Variants in CUEDC1 observed in about 807,000 individuals in gnomAD.
CUEDC1 encodes CUE domain-containing protein 1.
CUEDC1 carries 30 observed loss-of-function variants against 43.7 expected under a neutral mutation model. That is an observed-to-expected ratio of 0.69 (90% CI 0.51 to 0.93). CUEDC1 has a LOEUF of 0.93. CUEDC1 is among the 40% of genes least tolerant of loss of function. The probability of loss-of-function intolerance (pLI) is 0.00; values close to 1 mark genes in which losing one functional copy is unlikely to be tolerated. For synonymous variants in CUEDC1, 223 were observed against 223.6 expected (o/e 1.00, Z 0.02); for missense variants, 486 against 549.0 (o/e 0.89, Z 1.15).
chr17:57,949,564 CTTTTTTT>C (rs1194743025), intron 1 of CUEDC1, among the ~76,000 whole-genome samples: 10 of 79,942 alleles, frequency 1.3e-4, no homozygotes, highest in Non-Finnish European at 1.9e-4. Context: ...CTCTGACATA[CTTTTTTT>C]TTTTTTTTTT....
At chr17:57,951,748 C>G (rs1159466487) in intron 1 of CUEDC1, among the ~76,000 whole-genome samples, 1 of 152,172 alleles carries the variant, frequency 6.6e-6, no homozygotes, top group Admixed American at 6.5e-5. Flanking sequence ...CAGGAGCCAC[C>G]ACGCCCAGCC....
intron 8 of CUEDC1, chr17:57,867,779 G>A: frequency 2.1e-6 from 1 of 485,710 alleles, no homozygotes; most frequent in Non-Finnish European, 3.7e-6. Flanking sequence ...CATGCTTGGA[G>A]TGAGGAGGAC....
intron 1 of CUEDC1, among the ~76,000 whole-genome samples, chr17:57,910,671 AAAAAG>A (rs1171780399): frequency 1.3e-5 from 2 of 152,136 alleles, no homozygotes; most frequent in East Asian, 3.8e-4. Context: ...GAAGAAAAGA[AAAAAG>A]AAAAGAAATA....
intron 1 of CUEDC1, among the ~76,000 whole-genome samples, chr17:57,942,475 G>A (rs1567725910): frequency 6.6e-6 from 1 of 151,762 alleles, no homozygotes; most frequent in Non-Finnish European, 1.5e-5. Context: ...TGCAACCTCC[G>A]CCTCCTGGGT....
At position 57,893,346 on chromosome 17, in the gene CUEDC1, G is replaced by GGTGTGTGTGTGTGTGTGTGTGT. The variant is rs1456034263; in HGVS notation, c.-315-7468_-315-7467insACACACACACACACACACACAC. Among the ~76,000 whole-genome samples the GGTGTGTGTGTGTGTGTGTGTGT allele has an allele frequency of 5.4e-4, 49 of 89,994 alleles. 1 individual carries two copies. Among genetic ancestry groups the GGTGTGTGTGTGTGTGTGTGTGT allele is most frequent in the Admixed American group, 1.3e-3 (11 of 8,354 alleles). 59.0% of individuals were successfully genotyped at this position (89,994 alleles called of 152,430 possible). On this transcript the variant is annotated intron_variant, in intron 1 of 10. Transcript: ENST00000577830. ...GAGAGCAAGAGACAGAGGCTCTCAG[G>GGTGTGTGTGTGTGTGTGTGTGT]GTATGTGTGTGTGTGTGTGTGTGTG...
chr17:57,918,609 T>C (rs2143097558), intron 1 of CUEDC1, among the ~76,000 whole-genome samples: 1 of 152,312 alleles, frequency 6.6e-6, no homozygotes, highest in East Asian at 1.9e-4. Context: ...TAATAAATAT[T>C]TGAATTAAAA....
Position 57,862,904 on chromosome 17 carries a change from G to A in CUEDC1, c.*385C>T, listed in dbSNP as rs1447920250. On this transcript the variant is annotated 3_prime_UTR_variant, in exon 11 of 11. Transcript: ENST00000577830. The stretch of plus-strand genomic sequence containing the variant: ...AGAGACTCCACCTTCAGGCCAAAGA[G>A]CCTCTGGTGGGGGTCATCTTGCCCT... The A allele has an allele frequency of 1.3e-5, 2 of 152,238 alleles. No homozygotes were observed. Among genetic ancestry groups the A allele is most frequent in the African/African-American group, 2.4e-5 (1 of 41,444 alleles). 9.4% of individuals were successfully genotyped at this position (152,238 alleles called of 1,614,324 possible).
chr17:57,921,706 C>A (rs1482813421), intron 1 of CUEDC1, among the ~76,000 whole-genome samples: 1 of 152,134 alleles, frequency 6.6e-6, no homozygotes, highest in African/African-American at 2.4e-5. Flanking sequence ...TCATGGCTTT[C>A]TACCAGCACC....
At chr17:57,883,284 C>G (rs975131076) in intron 2 of CUEDC1, among the ~76,000 whole-genome samples, 1 of 152,220 alleles carries the variant, frequency 6.6e-6, no homozygotes, top group Non-Finnish European at 1.5e-5. Flanking sequence ...AGCCAGATGT[C>G]TTGGCCAACA....
At chr17:57,896,915 G>A (rs1303700483) in intron 1 of CUEDC1, among the ~76,000 whole-genome samples, 1 of 151,592 alleles carries the variant, frequency 6.6e-6, no homozygotes, top group Admixed American at 6.6e-5. Flanking sequence ...GACTACAGGT[G>A]CGTGCCACCA....
At chr17:57,949,910 T>C (rs2074990558) in intron 1 of CUEDC1, among the ~76,000 whole-genome samples, 1 of 152,140 alleles carries the variant, frequency 6.6e-6, no homozygotes. Flanking sequence ...ACTTCCTGAA[T>C]TCAAATCCTG....
chr17:57,931,980 C>T (rs917204191), intron 1 of CUEDC1, among the ~76,000 whole-genome samples: 7 of 152,106 alleles, frequency 4.6e-5, no homozygotes, highest in African/African-American at 1.4e-4. Context: ...CTGCTTAAAA[C>T]GCATCTCTAG....
chr17:57,888,900 C>T (rs1024617394), intron 1 of CUEDC1, among the ~76,000 whole-genome samples: 1 of 152,228 alleles, frequency 6.6e-6, no homozygotes, highest in Non-Finnish European at 1.5e-5. Flanking sequence ...AAGGCAATCC[C>T]TCGGAGAAAG....
At chr17:57,879,985 T>C (rs144353601) in intron 2 of CUEDC1, among the ~76,000 whole-genome samples, 32 of 152,254 alleles carry the variant, frequency 2.1e-4, no homozygotes, top group Middle Eastern at 3.4e-3. Flanking sequence ...CCCAAAAGAA[T>C]GTTCACAGCA....
intron 1 of CUEDC1, among the ~76,000 whole-genome samples, chr17:57,904,291 G>A (rs965248497): frequency 6.6e-6 from 1 of 152,088 alleles, no homozygotes; most frequent in East Asian, 1.9e-4. Context: ...CGGGCACCCA[G>A]CAACCCTGAA....
chr17:57,940,543 A>G lies in CUEDC1; in HGVS notation c.-316+14682T>C, dbSNP rs989132613. Reference sequence around the variant, plus strand: ...ATGATGTGGCTACAGATGGAGGTGCACTGCCTGACCTACAAGACTTTCCAC... The same window carrying G: ...ATGATGTGGCTACAGATGGAGGTGCGCTGCCTGACCTACAAGACTTTCCAC... On this transcript the variant is annotated intron_variant, in intron 1 of 10. Transcript: ENST00000577830. Among the ~76,000 whole-genome samples, 6 of 152,196 alleles carry G rather than the reference A, an allele frequency of 3.9e-5. No individual in the cohort carries two copies. The East Asian group carries it at 1.2e-3, about 29-fold the overall frequency.
chr17:57,928,365 C>T (rs2074769003), intron 1 of CUEDC1, among the ~76,000 whole-genome samples: 2 of 148,248 alleles, frequency 1.3e-5, no homozygotes, highest in Non-Finnish European at 3.0e-5. Flanking sequence ...CTGGCTAACA[C>T]GGTGAAACCC....
At chr17:57,896,484 T>TGGGGC (rs370021887) in intron 1 of CUEDC1, among the ~76,000 whole-genome samples, 1 of 61,294 alleles carries the variant, frequency 1.6e-5, no homozygotes, top group East Asian at 1.4e-3. Flanking sequence ...TAGTGCATTA[T>TGGGGC]GGGGTGTGTG....
intron 1 of CUEDC1, among the ~76,000 whole-genome samples, chr17:57,928,276 G>A (rs567163742): frequency 4.6e-5 from 7 of 152,238 alleles, no homozygotes; most frequent in South Asian, 2.1e-4. Flanking sequence ...GCCGATGGGC[G>A]TGGTGGCTCA....
Sources: allele counts gnomAD v4.1 joint callset (sites outside exome capture counted in the v4.1 genomes callset), GRCh38; gene constraint gnomAD v4.1.1; transcripts MANE v1.5; gene names NCBI Gene and HGNC (gene_info 2026-07-23, HGNC 2026-07-21).